SCN10A: variants seen among roughly 807,000 people sequenced by gnomAD.
SCN10A encodes the protein sodium voltage-gated channel alpha subunit 10.
Under a neutral mutation model 170.7 loss-of-function variants are expected in SCN10A, and 162 were observed. The observed-to-expected ratio is 0.95, with a 90% CI of 0.84 to 1.08. The LOEUF is 1.08. Ranked by LOEUF, SCN10A falls within the 50% of genes least tolerant of loss-of-function variation. The pLI, the probability that SCN10A is intolerant of heterozygous loss-of-function variation, is 0.00. For missense variants in SCN10A, 2,527 were observed against 2,436.9 expected, an observed-to-expected ratio of 1.04 and a Z score of -0.78; for synonymous variants, 985 against 904.6, an observed-to-expected ratio of 1.09 and a Z score of -1.59.
At chr3:38,763,348 C>T (rs2063896919) in intron 6 of SCN10A, among the ~76,000 whole-genome samples, 157 bp downstream of exon 6, 1 of 152,104 alleles carries the variant, frequency 6.6e-6, no homozygotes, top group Non-Finnish European at 1.5e-5. Flanking sequence ...AGTGAAGAGG[C>T]CTTGGGTTTA....
In SCN10A at chr3:38,728,818, C is replaced by A. The variant is rs2063485273; in HGVS notation, c.2364G>T (p.Gly788=). 1 of 1,614,116 alleles carries A rather than the reference C, an allele frequency of 6.2e-7. No homozygotes were observed. Among genetic ancestry groups the A allele is most frequent in the East Asian group, 2.2e-5 (1 of 44,874 alleles). Residue 788 remains glycine (G), a synonymous_variant, in exon 16 of 28, where the codon GGG becomes GGT. Coordinates refer to ENST00000449082, the MANE Select transcript of SCN10A (RefSeq NM_006514.4). ...TGATGGCCAGGATGATGGTGAGGTTCCCCAGTGCCCCCACTGAGTTTCCGA... is the reference window on the plus strand; with the variant it reads ...TGATGGCCAGGATGATGGTGAGGTTACCCAGTGCCCCCACTGAGTTTCCGA... ...KIIGNSVGAL[G]NLTIILAIIV...
intron 1 of SCN10A, among the ~76,000 whole-genome samples, chr3:38,809,494 T>C (rs559971947): frequency 6.6e-6 from 1 of 152,332 alleles, no homozygotes; most frequent in African/African-American, 2.4e-5. Flanking sequence ...TATTTTAAAA[T>C]GCTTTCATTA....
chr3:38,718,817 C>T lies in SCN10A; in HGVS notation c.3517G>A (p.Asp1173Asn). The change falls in exon 21 of 28, where the codon GAC becomes AAC. Residue 1173 changes from aspartate to asparagine, a missense_variant. Physicochemically the swap from Asp to Asn is conservative, Grantham distance 23. Coordinates refer to ENST00000449082, the MANE Select transcript of SCN10A (RefSeq NM_006514.4). ...LLSSGSLAFEDYYLDQKPTVK... is the reference protein window; with the variant it reads ...LLSSGSLAFENYYLDQKPTVK... ...GTGGGCTTCTGGTCCAGGTAATAGT[C>T]TTCAAAGGCCTGGAAGGAAGAAAGG... 6.2e-7 allele frequency: 1 copy of T among 1,614,002 alleles called. No homozygotes were observed. The highest frequency in any genetic ancestry group is 1.1e-5 in the South Asian group (1 of 91,028).
chr3:38,802,626 T>A (rs2064379566), intron 1 of SCN10A, among the ~76,000 whole-genome samples: 1 of 152,198 alleles, frequency 6.6e-6, no homozygotes, highest in Non-Finnish European at 1.5e-5. Context: ...ATCCCTTCCT[T>A]ACACTTTATA....
At position 38,698,090 on chromosome 3, in the gene SCN10A, G is replaced by C; in HGVS notation, c.5130C>G (p.Phe1710Leu). 6.2e-7 allele frequency: 1 copy of C among 1,614,128 alleles called. No individual in the cohort carries two copies. The highest frequency in any genetic ancestry group is 1.1e-5 in the South Asian group (1 of 91,072). The change falls in exon 28 of 28, where the codon TTC (phenylalanine) becomes TTG (leucine). Residue 1710 changes from phenylalanine to leucine, a missense_variant. Coordinates refer to ENST00000449082, the MANE Select transcript of SCN10A (RefSeq NM_006514.4). ...CAATGTACATGTTGACCATGATGAG[G>C]AAGGAGATGATGATGTAGGTGGTGA... ...IFFTTYIIIS[F>L]LIMVNMYIAV...
At position 38,697,940 on chromosome 3, in the gene SCN10A, G is replaced by A; in HGVS notation, c.5280C>T (p.Thr1760=). ...CTGCAAAGTCCGAGAGAGCAGAAAA[G>A]GTAATAAACTGAGTGGCCTCTGGGT... ...KFDPEATQFI[T]FSALSDFADT... The change falls in exon 28 of 28, where the codon ACC becomes ACT. Residue 1760 remains threonine (T), a synonymous_variant. Coordinates refer to ENST00000449082, the MANE Select transcript of SCN10A (RefSeq NM_006514.4). The A allele has an allele frequency of 6.2e-7, 1 of 1,614,128 alleles. No homozygotes were observed. Among genetic ancestry groups the A allele is most frequent in the Non-Finnish European group, 8.5e-7 (1 of 1,180,022 alleles).
Position 38,722,379 on chromosome 3 carries a change from T to A in SCN10A, c.3386A>T (p.Asp1129Val). 3 of 1,614,062 alleles carry A rather than the reference T, an allele frequency of 1.9e-6. No homozygotes were observed. The highest frequency in any genetic ancestry group is 2.5e-6 in the Non-Finnish European group (3 of 1,179,990). ...CACATCCCATGGACTCTTGGTGGTATCCAGTTTGCAGCAGGGACAGTGGCG... is the reference window on the plus strand; with the variant it reads ...CACATCCCATGGACTCTTGGTGGTAACCAGTTTGCAGCAGGGACAGTGGCG... ...CIRHCPCCKL[D>V]TTKSPWDVGW... Residue 1129 changes from aspartate (D) to valine (V), a missense_variant, in exon 20 of 28, where the codon GAT becomes GTT. Asp to Val is a radical substitution (Grantham distance 152, BLOSUM62 -3). Coordinates refer to ENST00000449082, the MANE Select transcript of SCN10A (RefSeq NM_006514.4).
At chr3:38,791,157 T>G (rs2064275804) in intron 3 of SCN10A, among the ~76,000 whole-genome samples, 1 of 152,192 alleles carries the variant, frequency 6.6e-6, no homozygotes, top group Non-Finnish European at 1.5e-5. Context: ...GTCAGGCAAC[T>G]GAGGCAGGTG....
chr3:38,722,556 A>T, intron 19 of SCN10A, 144 bp from the exon 20 acceptor site: 1 of 876,672 alleles, frequency 1.1e-6, no homozygotes, highest in South Asian at 1.6e-5. Context: ...ATGGGTGAAG[A>T]GGGGTCCCTT....
At chr3:38,761,459 C>T (rs2063871018) in intron 6 of SCN10A, 76 bp from the exon 7 acceptor site, 1 of 1,289,098 alleles carries the variant, frequency 7.8e-7, no homozygotes, top group African/African-American at 1.5e-5. Flanking sequence ...TCTTAGCCAT[C>T]CTCCTTCATC....
At chr3:38,707,191 A>G in intron 26 of SCN10A, 88 bp downstream of exon 26, 3 of 1,361,840 alleles carry the variant, frequency 2.2e-6, no homozygotes, top group Non-Finnish European at 3.1e-6. Flanking sequence ...CATAAACAGC[A>G]CTCCCTCAGG....
chr3:38,752,082 A>C, intron 12 of SCN10A, 137 bp downstream of exon 12: 1 of 690,558 alleles, frequency 1.4e-6, no homozygotes. Context: ...CTATGTCTGT[A>C]AAAAAGGAGT....
intron 13 of SCN10A, among the ~76,000 whole-genome samples, chr3:38,743,757 T>C (rs1049663659): frequency 6.6e-6 from 1 of 152,190 alleles, no homozygotes; most frequent in Non-Finnish European, 1.5e-5. Flanking sequence ...TTGTAAATGT[T>C]GAATAACTCA....
Position 38,705,289 on chromosome 3 carries a change from A to C in SCN10A, c.4386+1990T>G, listed in dbSNP as rs1445035483. Among the ~76,000 whole-genome samples, 13 of 152,232 alleles carry C rather than the reference A, an allele frequency of 8.5e-5. 1 individual carries two copies. The highest frequency in any genetic ancestry group is 1.5e-5 in the Non-Finnish European group (1 of 68,034). On this transcript the variant is annotated intron_variant, in intron 26 of 27. Transcript: ENST00000449082. ...ATTAAGGGGAGAGCCACGTTCCTCC[A>C]CTAAGGCTAGCAAAAGGTTGAGAGT...
chr3:38,782,272 T>C (rs553722145), intron 4 of SCN10A, among the ~76,000 whole-genome samples: 1 of 152,208 alleles, frequency 6.6e-6, no homozygotes, highest in South Asian at 2.1e-4. Context: ...ATTTGTATCA[T>C]GTCAACACTT....
chr3:38,815,999 A>G (rs1042267683), intron 1 of SCN10A, 38 bp downstream of exon 1: 1 of 152,184 alleles, frequency 6.6e-6, no homozygotes, highest in Admixed American at 6.5e-5. Context: ...ATATCTTTAC[A>G]CTGTTAGCCA....
intron 6 of SCN10A, 151 bp from the exon 7 acceptor site, chr3:38,761,534 C>T (rs931297784): frequency 5.8e-6 from 3 of 519,586 alleles, no homozygotes; most frequent in Non-Finnish European, 6.5e-6. Context: ...TCATCCGAAG[C>T]TTGCATTTAC....
chr3:38,733,403 G>A (rs1190538024), intron 15 of SCN10A, among the ~76,000 whole-genome samples: 2 of 151,868 alleles, frequency 1.3e-5, no homozygotes, highest in East Asian at 1.9e-4. Context: ...CTGTATAATA[G>A]GTAGCTTTAT....
intron 1 of SCN10A, among the ~76,000 whole-genome samples, chr3:38,800,420 G>C (rs970143175): frequency 6.6e-6 from 1 of 152,186 alleles, no homozygotes; most frequent in Non-Finnish European, 1.5e-5. Context: ...GCTTCCAAAG[G>C]TGTTGTCCCT....
Sources: allele counts gnomAD v4.1 joint callset (sites outside exome capture counted in the v4.1 genomes callset), GRCh38; gene constraint gnomAD v4.1.1; transcripts MANE v1.5; gene names NCBI Gene and HGNC (gene_info 2026-07-23, HGNC 2026-07-21).